The following ARHGEF9 variants were observed in gnomAD, a reference collection of about 807,000 sequenced individuals.
The protein encoded by ARHGEF9 is Cdc42 guanine nucleotide exchange factor 9.
Under a neutral mutation model 41.3 loss-of-function variants are expected in ARHGEF9, and 2 were observed. That is an observed-to-expected ratio of 0.05 (90% CI 0.02 to 0.15). The LOEUF (loss-of-function observed/expected upper bound fraction) is 0.15. ARHGEF9 is among the 10% of genes least tolerant of loss of function. The pLI, the probability that ARHGEF9 is intolerant of heterozygous loss-of-function variation, is 1.00. For missense variants in ARHGEF9, 225 were observed against 424.7 expected, an observed-to-expected ratio of 0.53 and a Z score of 4.13; for synonymous variants, 160 against 154.4, an observed-to-expected ratio of 1.04 and a Z score of -0.27.
At chrX:63,759,876 C>G (rs782345536) in intron 1 of ARHGEF9, among the ~76,000 whole-genome samples, 1 of 111,628 alleles carries the variant, frequency 9.0e-6, no homozygotes, top group Non-Finnish European at 1.9e-5. Context: ...AGATATGGAG[C>G]GCAGATGTAA....
intron 1 of ARHGEF9, among the ~76,000 whole-genome samples, chrX:63,758,104 A>C (rs1602726264): frequency 9.3e-6 from 1 of 107,052 alleles, no homozygotes; most frequent in East Asian, 2.9e-4. Flanking sequence ...GGCTTTGTGC[A>C]TTCTGAGAGC....
At chrX:63,698,802 G>A (rs1432753459) in intron 3 of ARHGEF9, among the ~76,000 whole-genome samples, 1 of 111,954 alleles carries the variant, frequency 8.9e-6, no homozygotes, top group African/African-American at 3.2e-5. Flanking sequence ...AATAGTCTAT[G>A]CCTGTGTTGA....
At chrX:63,725,308 A>G (rs1201208099) in intron 1 of ARHGEF9, among the ~76,000 whole-genome samples, 1 of 111,472 alleles carries the variant, frequency 9.0e-6, no homozygotes, top group East Asian at 2.8e-4. Context: ...AGGAAAGAAT[A>G]TGGCTTTCTG....
At chrX:63,772,930 T>C (rs1403545073) in intron 1 of ARHGEF9, among the ~76,000 whole-genome samples, 1 of 111,655 alleles carries the variant, frequency 9.0e-6, no homozygotes, top group African/African-American at 3.3e-5. Context: ...TCTCTTCCTT[T>C]TTTTAATTGT....
intron 1 of ARHGEF9, among the ~76,000 whole-genome samples, chrX:63,769,942 C>T (rs782299178): frequency 1.1e-4 from 12 of 112,230 alleles, no homozygotes; most frequent in Non-Finnish European, 1.7e-4. Flanking sequence ...AATGTGGGGT[C>T]GAGCCCCCAC....
At chrX:63,760,979 A>G (rs1740291844) in intron 1 of ARHGEF9, among the ~76,000 whole-genome samples, 1 of 111,435 alleles carries the variant, frequency 9.0e-6, no homozygotes, top group Non-Finnish European at 1.9e-5. Context: ...ATCATAATCT[A>G]TTGAACTGCC....
At chrX:63,698,180 G>A (rs1224708118) in intron 3 of ARHGEF9, among the ~76,000 whole-genome samples, 1 of 106,481 alleles carries the variant, frequency 9.4e-6, no homozygotes, top group Non-Finnish European at 1.9e-5. Context: ...GTCCTAACAC[G>A]TTAATATGTC....
chrX:63,649,264 T>A (rs1278010434), intron 8 of ARHGEF9, among the ~76,000 whole-genome samples: 2 of 111,043 alleles, frequency 1.8e-5, no homozygotes, highest in Non-Finnish European at 3.8e-5. Context: ...GAAATCAAAC[T>A]AGAACTCAGG....
intron 2 of ARHGEF9, among the ~76,000 whole-genome samples, chrX:63,718,512 A>G (rs782444283): frequency 1.8e-5 from 2 of 110,385 alleles, no homozygotes; most frequent in African/African-American, 6.6e-5. Flanking sequence ...GGTTGATTAC[A>G]CAGAGAAAAA....
chrX:63,717,199 C>T (rs782044060), intron 2 of ARHGEF9, among the ~76,000 whole-genome samples: 1 of 112,384 alleles, frequency 8.9e-6, no homozygotes, highest in African/African-American at 3.2e-5. Flanking sequence ...ACATATAACA[C>T]AATGTTCCAC....
chrX:63,702,866 C>A (rs1455602277), intron 3 of ARHGEF9, among the ~76,000 whole-genome samples: 1 of 112,015 alleles, frequency 8.9e-6, no homozygotes, highest in Admixed American at 9.5e-5. Flanking sequence ...CCAAACAGAA[C>A]TTAAAGAGCT....
intron 2 of ARHGEF9, among the ~76,000 whole-genome samples, chrX:63,719,218 A>C (rs1602549995): frequency 8.9e-6 from 1 of 112,252 alleles, no homozygotes; most frequent in South Asian, 3.8e-4. Context: ...GGCCACAAGC[A>C]AGACCTTCTA....
At chrX:63,691,052 C>G (rs1446535245) in intron 4 of ARHGEF9, among the ~76,000 whole-genome samples, 2 of 111,453 alleles carry the variant, frequency 1.8e-5, no homozygotes, top group East Asian at 5.6e-4. Flanking sequence ...AAATCAAAAG[C>G]CTTTCCTCCA....
intron 2 of ARHGEF9, among the ~76,000 whole-genome samples, chrX:63,715,186 G>T (rs1160414795): frequency 8.9e-6 from 1 of 112,168 alleles, no homozygotes; most frequent in Non-Finnish European, 1.9e-5. Flanking sequence ...CTTAGACGTT[G>T]ATAGAATTTA....
chrX:63,725,973 C>T (rs1293643862), intron 1 of ARHGEF9, among the ~76,000 whole-genome samples: 2 of 112,441 alleles, frequency 1.8e-5, no homozygotes, highest in African/African-American at 3.2e-5. Context: ...ATCTACCCTC[C>T]AACATGCTAG....
At chrX:63,654,206 C>T (rs1556333171) in intron 8 of ARHGEF9, among the ~76,000 whole-genome samples, 1 of 108,290 alleles carries the variant, frequency 9.2e-6, no homozygotes, top group Admixed American at 9.9e-5. Context: ...TATGCCTGTT[C>T]AGAAAGTAAT....
chrX:63,722,521 C>T (rs1174250510), intron 2 of ARHGEF9, among the ~76,000 whole-genome samples: 10 of 108,496 alleles, frequency 9.2e-5, no homozygotes, highest in African/African-American at 3.0e-4. Context: ...GAACACTCCT[C>T]CCGGCCTTGG....
chrX:63,733,385 G>A (rs2054430460), intron 1 of ARHGEF9, among the ~76,000 whole-genome samples: 1 of 112,135 alleles, frequency 8.9e-6, no homozygotes, highest in African/African-American at 3.2e-5. Context: ...GTGATCACCA[G>A]GGAAAGAGGC....
At chrX:63,640,580 G>T (rs781946526) in intron 9 of ARHGEF9, 5 of 112,141 alleles carry the variant, frequency 4.5e-5, no homozygotes, top group Non-Finnish European at 7.5e-5. Context: ...CTTTCAAGAA[G>T]TTATATATCA....
Sources: allele counts gnomAD v4.1 joint callset (sites outside exome capture counted in the v4.1 genomes callset), GRCh38; gene constraint gnomAD v4.1.1; transcripts MANE v1.5; gene names NCBI Gene and HGNC (gene_info 2026-07-23, HGNC 2026-07-21).